GLIS3: variants seen among roughly 807,000 people sequenced by gnomAD.
GLIS3 encodes the protein GLIS family zinc finger 3, also known as zinc finger protein GLIS3.
In GLIS3, 53 loss-of-function variants were observed where a neutral mutation model predicts 78.6. The ratio of observed to expected loss-of-function variants is 0.67; its 90% CI spans 0.54 to 0.85. The LOEUF (loss-of-function observed/expected upper bound fraction) is 0.85. Ranked by LOEUF, GLIS3 falls within the 40% of genes least tolerant of loss-of-function variation. The probability of loss-of-function intolerance (pLI) is 0.00; values close to 1 mark genes in which losing one functional copy is unlikely to be tolerated. For synonymous variants in GLIS3, 684 were observed against 509.9 expected (o/e 1.34, Z -4.60); for missense variants, 1,703 against 1,231.1 (o/e 1.38, Z -5.74).
chr9:3,983,250 A>G (rs1433502294), intron 4 of GLIS3, among the ~76,000 whole-genome samples: 1 of 152,198 alleles, frequency 6.6e-6, no homozygotes, highest in Non-Finnish European at 1.5e-5. Flanking sequence ...CATCCATGTA[A>G]GACATGACTT....
At chr9:4,224,823 A>T (rs12343780) in intron 2 of GLIS3, among the ~76,000 whole-genome samples, 2 of 151,846 alleles carry the variant, frequency 1.3e-5, no homozygotes, top group African/African-American at 4.8e-5. Flanking sequence ...AATGTTGAAC[A>T]GCAAAATCAT....
intron 4 of GLIS3, among the ~76,000 whole-genome samples, chr9:3,972,113 G>C (rs1185129715): frequency 6.6e-6 from 1 of 152,052 alleles, no homozygotes; most frequent in African/African-American, 2.4e-5. Flanking sequence ...GCCATATAAA[G>C]GTATACTTTC....
chr9:4,314,928 G>T (rs555349297), intron 2 of GLIS3, among the ~76,000 whole-genome samples: 46 of 152,334 alleles, frequency 3.0e-4, no homozygotes, highest in African/African-American at 1.1e-3. Context: ...GGAACTCTCA[G>T]GGATTCAGAG....
the GLIS3 span, among the ~76,000 whole-genome samples, chr9:4,470,636 C>T: frequency 6.6e-6 from 1 of 152,128 alleles, no homozygotes; most frequent in Non-Finnish European, 1.5e-5. Flanking sequence ...GACAAACCCA[C>T]AGCCAATATC....
the GLIS3 span, among the ~76,000 whole-genome samples, chr9:4,412,225 A>T: frequency 6.6e-6 from 1 of 152,220 alleles, no homozygotes; most frequent in Non-Finnish European, 1.5e-5. Context: ...TGATAGCTTA[A>T]TGCTGTAATA....
intron 6 of GLIS3, among the ~76,000 whole-genome samples, chr9:3,932,121 T>G (rs1825657611): frequency 6.6e-6 from 1 of 152,168 alleles, no homozygotes; most frequent in Non-Finnish European, 1.5e-5. Flanking sequence ...CCCAGAAATT[T>G]GCATAGCTAT....
At chr9:3,840,944 C>T (rs75698279) in intron 9 of GLIS3, among the ~76,000 whole-genome samples, 4 of 152,282 alleles carry the variant, frequency 2.6e-5, no homozygotes, top group African/African-American at 9.6e-5. Context: ...CTTATATACT[C>T]ATTTCCAGGG....
At chr9:4,239,499 T>C (rs926344166) in intron 2 of GLIS3, among the ~76,000 whole-genome samples, 24 of 152,260 alleles carry the variant, frequency 1.6e-4, no homozygotes, top group Admixed American at 5.9e-4. Flanking sequence ...CTCTACTTCA[T>C]CATTAATGAG....
At chr9:4,031,574 A>G (rs767637067) in intron 4 of GLIS3, among the ~76,000 whole-genome samples, 7 of 152,248 alleles carry the variant, frequency 4.6e-5, no homozygotes, top group African/African-American at 1.2e-4. Context: ...ATGGTTGCAC[A>G]ACATTGCAAA....
intron 6 of GLIS3, among the ~76,000 whole-genome samples, chr9:3,924,056 C>T (rs919045144): frequency 6.6e-6 from 1 of 152,224 alleles, no homozygotes; most frequent in East Asian, 1.9e-4. Flanking sequence ...AAGTCAATAA[C>T]CCCTGAATAT....
intron 1 of GLIS3, among the ~76,000 whole-genome samples, chr9:4,295,509 G>C (rs140587111): frequency 2.2e-4 from 33 of 152,298 alleles, no homozygotes; most frequent in African/African-American, 7.9e-4. Context: ...AGCGAAAGAA[G>C]CCAGACCCAA....
intron 7 of GLIS3, among the ~76,000 whole-genome samples, chr9:3,885,608 C>T (rs565985248): frequency 3.3e-5 from 5 of 152,212 alleles, no homozygotes; most frequent in South Asian, 2.1e-4. Context: ...GGTCAAGGCA[C>T]GGAGGATAAG....
At chr9:3,967,028 A>AC (rs1327135809) in intron 4 of GLIS3, among the ~76,000 whole-genome samples, 4,121 of 142,074 alleles carry the variant, frequency 0.029, 235 homozygotes, top group African/African-American at 0.11. Context: ...AAAAAAAAAA[A>AC]AAAAACAAAA....
At chr9:4,412,480 G>T in the GLIS3 span, among the ~76,000 whole-genome samples, 1 of 152,234 alleles carries the variant, frequency 6.6e-6, no homozygotes, top group East Asian at 1.9e-4. Flanking sequence ...GTTAATCTAT[G>T]TAAGAATGGA....
intron 2 of GLIS3, among the ~76,000 whole-genome samples, chr9:4,251,327 T>C (rs1824356452): frequency 6.6e-6 from 1 of 152,224 alleles, no homozygotes; most frequent in South Asian, 2.1e-4. Context: ...TAGTTTACTC[T>C]ACTTGTTGTG....
chr9:4,384,520 T>A, the GLIS3 span, among the ~76,000 whole-genome samples: 1 of 150,288 alleles, frequency 6.7e-6, no homozygotes, highest in Non-Finnish European at 1.5e-5. Context: ...TCCTTCCTTC[T>A]TTTCTTCCTT....
chr9:3,922,057 G>C (rs1824927139), intron 6 of GLIS3, among the ~76,000 whole-genome samples: 1 of 152,122 alleles, frequency 6.6e-6, no homozygotes, highest in Admixed American at 6.5e-5. Flanking sequence ...GCAATATGTT[G>C]TAAGGAATTT....
chr9:4,160,239 T>A (rs867783369), intron 2 of GLIS3, among the ~76,000 whole-genome samples: 19 of 152,310 alleles, frequency 1.2e-4, no homozygotes, highest in Middle Eastern at 3.4e-3. Context: ...GAATACCTGG[T>A]TTCATTTCTT....
chr9:4,278,343 G>C (rs1166463584), intron 2 of GLIS3, among the ~76,000 whole-genome samples: 1 of 152,190 alleles, frequency 6.6e-6, no homozygotes, highest in Non-Finnish European at 1.5e-5. Flanking sequence ...TTGGGAAAAT[G>C]CATGATTCCA....
Sources: allele counts gnomAD v4.1 joint callset (sites outside exome capture counted in the v4.1 genomes callset), GRCh38; gene constraint gnomAD v4.1.1; transcripts MANE v1.5; gene names NCBI Gene and HGNC (gene_info 2026-07-23, HGNC 2026-07-21).